COA1: variants seen among roughly 807,000 people sequenced by gnomAD.
COA1 encodes the protein cytochrome c oxidase assembly factor 1.
Under a neutral mutation model 16.0 loss-of-function variants are expected in COA1, and 13 were observed. The observed-to-expected ratio is 0.81, with a 90% confidence interval of 0.53 to 1.29. COA1 has a LOEUF of 1.29. Among genes scored for constraint, COA1 ranks in the 50% most tolerant of loss-of-function variants. COA1 has a pLI of 0.00. For synonymous variants in COA1, 65 were observed against 65.7 expected, an observed-to-expected ratio of 0.99 and a Z score of 0.05; for missense variants, 179 against 177.0, an observed-to-expected ratio of 1.01 and a Z score of -0.06.
chr7:43,649,397 T>A (rs2153102777), intron 1 of COA1: 1 of 152,356 alleles, frequency 6.6e-6, no homozygotes, highest in African/African-American at 2.4e-5. Context: ...AATATTGAAA[T>A]GTGAAAACAA....
At chr7:43,626,853 G>C (rs2084603024) in intron 6 of COA1, 1 of 152,108 alleles carries the variant, frequency 6.6e-6, no homozygotes, top group Admixed American at 6.6e-5. Context: ...CGTATCTTTA[G>C]CTGCTGTTGT....
chr7:43,712,510 T>G (rs2095282896), intron 1 of COA1, among the ~76,000 whole-genome samples: 1 of 152,236 alleles, frequency 6.6e-6, no homozygotes, highest in African/African-American at 2.4e-5. Flanking sequence ...ATCCTGTATA[T>G]GTGATCTGGG....
intron 1 of COA1, among the ~76,000 whole-genome samples, chr7:43,678,644 G>A (rs978101442): frequency 2.2e-4 from 33 of 152,086 alleles, no homozygotes; most frequent in Admixed American, 6.5e-5. Flanking sequence ...TCAAAAATGG[G>A]AAGAGGATTT....
chr7:43,668,307 G>C (rs34193068), intron 1 of COA1, among the ~76,000 whole-genome samples: 22,365 of 152,200 alleles, frequency 0.15, 2,196 homozygotes, highest in Non-Finnish European at 0.21. Flanking sequence ...AACCCATGTG[G>C]ATGGCTGGGC....
chr7:43,654,161 G>C (rs1021493534), intron 1 of COA1, among the ~76,000 whole-genome samples: 3 of 152,104 alleles, frequency 2.0e-5, no homozygotes, highest in Non-Finnish European at 4.4e-5. Flanking sequence ...TCCACACCCA[G>C]CTCAAAGTTT....
At chr7:43,717,003 C>A (rs1183515221) in intron 1 of COA1, among the ~76,000 whole-genome samples, 1 of 152,184 alleles carries the variant, frequency 6.6e-6, no homozygotes, top group African/African-American at 2.4e-5. Flanking sequence ...GAACCTCCAC[C>A]TAGATTTCAG....
intron 6 of COA1, among the ~76,000 whole-genome samples, chr7:43,627,640 T>C (rs1013587510): frequency 6.6e-6 from 1 of 152,236 alleles, no homozygotes; most frequent in East Asian, 1.9e-4. Flanking sequence ...TGTCCAAGAT[T>C]GGCCACCTCA....
At chr7:43,634,674 T>G (rs1272472434), downstream of COA1, among the ~76,000 whole-genome samples, 1 of 152,222 alleles carries the variant, frequency 6.6e-6, no homozygotes, top group East Asian at 1.9e-4. Flanking sequence ...GGCTCCCCAC[T>G]TGGCTTTTGC....
chr7:43,634,074 AT>A (rs1384627979), intron 6 of COA1, among the ~76,000 whole-genome samples: 1 of 151,656 alleles, frequency 6.6e-6, no homozygotes, highest in Non-Finnish European at 1.5e-5. Context: ...AAGACTTCCT[AT>A]TTTTTTCATT....
chr7:43,680,607 CAG>C (rs1007726130), intron 1 of COA1, among the ~76,000 whole-genome samples: 10 of 152,284 alleles, frequency 6.6e-5, no homozygotes, highest in African/African-American at 1.9e-4. Flanking sequence ...TTGAGACAGA[CAG>C]AGATTTATTT....
chr7:43,621,433 T>C (rs771030514), intron 6 of COA1, among the ~76,000 whole-genome samples: 52 of 152,138 alleles, frequency 3.4e-4, no homozygotes, highest in Admixed American at 1.3e-4. Flanking sequence ...AAAATCAAAA[T>C]AGTAATTATT....
chr7:43,613,697 A>G (rs1414939564), intron 6 of COA1, among the ~76,000 whole-genome samples: 1 of 152,092 alleles, frequency 6.6e-6, no homozygotes, highest in African/African-American at 2.4e-5. Flanking sequence ...TAAAAAAATC[A>G]GCCAGCCATG....
intron 6 of COA1, chr7:43,624,787 G>A (rs781270039): frequency 1.9e-6 from 3 of 1,610,444 alleles, no homozygotes; most frequent in South Asian, 2.2e-5. Context: ...ATTTCCAAAC[G>A]ATTTAAATTT....
In COA1 at chr7:43,647,589, A is replaced by G. The variant is rs1169935100; in HGVS notation, c.61T>C (p.Phe21Leu). ...CCCCCGGCATAGAACACACCGTGGA[A>G]AAGGATCCTTGCTCCCAGAGGCATT... ...RSMPLGARIL[F>L]HGVFYAGGFA... Residue 21 changes from phenylalanine to leucine, a missense_variant, in exon 3 of 6, where the codon TTC becomes CTC. By Grantham distance (22) the Phe-to-Leu change is conservative. Coordinates refer to ENST00000223336, the MANE Select transcript of COA1 (RefSeq NM_018224.4). The G allele has an allele frequency of 5.0e-6, 8 of 1,614,014 alleles. No homozygotes were observed. Among genetic ancestry groups the G allele is most frequent in the Non-Finnish European group, 6.8e-6 (8 of 1,179,962 alleles).
intron 1 of COA1, among the ~76,000 whole-genome samples, chr7:43,690,152 T>C (rs573000177): frequency 1.2e-4 from 18 of 152,248 alleles, no homozygotes; most frequent in African/African-American, 3.4e-4. Flanking sequence ...ACACTGTTGG[T>C]GGGAATGTAA....
intron 1 of COA1, among the ~76,000 whole-genome samples, chr7:43,721,562 G>A (rs2095505455): frequency 6.6e-6 from 1 of 152,264 alleles, no homozygotes. Context: ...GGAAAAGCAA[G>A]GATGTAATGT....
At chr7:43,666,820 C>G (rs1261233010) in intron 1 of COA1, among the ~76,000 whole-genome samples, 5 of 152,164 alleles carry the variant, frequency 3.3e-5, no homozygotes, top group Admixed American at 6.5e-5. Flanking sequence ...AAACTGCTTA[C>G]TAACCAGATT....
intron 1 of COA1, chr7:43,658,928 G>T (rs2092124807): frequency 6.6e-6 from 1 of 152,486 alleles, no homozygotes; most frequent in African/African-American, 2.4e-5. Context: ...AAGAGGGCAG[G>T]GTCTTCATCA....
At chr7:43,623,626 A>T (rs764498509) in intron 6 of COA1, 4 of 1,609,704 alleles carry the variant, frequency 2.5e-6, no homozygotes, top group Non-Finnish European at 3.4e-6. Flanking sequence ...ATGTGGTAAG[A>T]GTTATTAATG....
Sources: allele counts gnomAD v4.1 joint callset (sites outside exome capture counted in the v4.1 genomes callset), GRCh38; gene constraint gnomAD v4.1.1; transcripts MANE v1.5; gene names NCBI Gene and HGNC (gene_info 2026-07-23, HGNC 2026-07-21).